Variants in MME observed in about 807,000 individuals in gnomAD.
The protein encoded by MME is neprilysin.
In MME, 98 loss-of-function variants were observed where a neutral mutation model predicts 113.2. The observed-to-expected ratio is 0.87, with a 90% CI of 0.74 to 1.02. The LOEUF (loss-of-function observed/expected upper bound fraction) is 1.02. MME is among the 50% of genes least tolerant of loss of function. The probability of loss-of-function intolerance (pLI) is 0.00; values close to 1 mark genes in which losing one functional copy is unlikely to be tolerated. For missense variants in MME, 836 were observed against 896.0 expected (o/e 0.93, Z 0.86); for synonymous variants, 292 against 300.6 (o/e 0.97, Z 0.30).
chr3:155,088,195 C>T (rs1047002152), intron 3 of MME, among the ~76,000 whole-genome samples: 1 of 147,328 alleles, frequency 6.8e-6, no homozygotes, highest in Non-Finnish European at 1.5e-5. Flanking sequence ...TACTCATAAA[C>T]ACACACACTC....
At chr3:155,100,638 A>G (rs753986541) in intron 3 of MME, among the ~76,000 whole-genome samples, 100 of 152,248 alleles carry the variant, frequency 6.6e-4, no homozygotes, top group Non-Finnish European at 1.2e-3. Flanking sequence ...ATCTGACAAT[A>G]TGTTGAGAAG....
intron 8 of MME, among the ~76,000 whole-genome samples, chr3:155,129,956 A>G (rs1720008114): frequency 6.6e-6 from 1 of 151,760 alleles, no homozygotes; most frequent in East Asian, 1.9e-4. Flanking sequence ...AATTTTCTTA[A>G]GAAATCACCC....
intron 8 of MME, among the ~76,000 whole-genome samples, chr3:155,131,732 T>A (rs1272916864): frequency 6.6e-6 from 1 of 152,160 alleles, no homozygotes; most frequent in Non-Finnish European, 1.5e-5. Flanking sequence ...TGCTCTAGCG[T>A]CCTGCTCCAC....
intron 1 of MME, among the ~76,000 whole-genome samples, chr3:155,058,046 G>T (rs1714001747): frequency 6.6e-6 from 1 of 151,938 alleles, no homozygotes; most frequent in African/African-American, 2.4e-5. Context: ...TTCTCTAAAA[G>T]CTACTATATA....
At chr3:155,091,238 T>C (rs1487072390) in intron 3 of MME, among the ~76,000 whole-genome samples, 3 of 152,320 alleles carry the variant, frequency 2.0e-5, no homozygotes, top group Non-Finnish European at 4.4e-5. Context: ...TGTAGGGATA[T>C]TACCTTACAT....
chr3:155,064,810 A>G (rs548572164), intron 1 of MME, among the ~76,000 whole-genome samples: 1 of 152,232 alleles, frequency 6.6e-6, no homozygotes, highest in Non-Finnish European at 1.5e-5. Flanking sequence ...ATGTGCTGGC[A>G]GAGCTGTGCT....
At chr3:155,144,260 T>C (rs1721337056) in intron 13 of MME, 99 bp from the exon 14 acceptor site, 4 of 812,314 alleles carry the variant, frequency 4.9e-6, no homozygotes, top group Non-Finnish European at 8.7e-6. Context: ...TTTATTAACA[T>C]ATTAAGTCAT....
At position 155,166,988 on chromosome 3, in the gene MME, G is replaced by C; in HGVS notation, c.1747G>C (p.Gly583Arg). Residue 583 changes from glycine (G) to arginine (R), a missense_variant, in exon 18 of 23, where the codon GGA (glycine) becomes CGA (arginine). Transcript: ENST00000360490. ...LNYGGIGMVI[G>R]HEITHGFDDN... ...CTATGGGGGCATCGGCATGGTCATA[G>C]GACACGAAATCACCCATGGCTTCGA... The C allele has an allele frequency of 6.2e-7, 1 of 1,613,740 alleles. No homozygotes were observed. Among genetic ancestry groups the C allele is most frequent in the Non-Finnish European group, 8.5e-7 (1 of 1,179,766 alleles).
chr3:155,117,017 C>T lies in MME; in HGVS notation c.654+31C>T, dbSNP rs61758169. 6 of 1,192,138 alleles carry T rather than the reference C, an allele frequency of 5.0e-6. No homozygotes were observed. The Admixed American group carries it at 8.4e-5, about 17-fold the overall frequency. The allele number at this position is 1,192,138 out of a possible 1,614,324, so 73.8% of individuals were successfully genotyped here. On this transcript the variant is annotated intron_variant, in intron 7 of 22. Coordinates refer to ENST00000360490, the MANE Select transcript of MME (RefSeq NM_007289.4). Reference sequence around the variant, plus strand: ...TTTGTGTGTCAAATAACTAAAGTTACCTTTAAATTGTAATAAAACTTCCAC... The same window carrying T: ...TTTGTGTGTCAAATAACTAAAGTTATCTTTAAATTGTAATAAAACTTCCAC...
intron 1 of MME, among the ~76,000 whole-genome samples, chr3:155,043,758 C>A: frequency 6.6e-6 from 1 of 151,942 alleles, no homozygotes; most frequent in East Asian, 1.9e-4. Context: ...GTACCAAATT[C>A]TTTTAATATT....
chr3:155,042,919 T>TATAC (rs1559890072), intron 1 of MME, among the ~76,000 whole-genome samples: 2 of 57,252 alleles, frequency 3.5e-5, no homozygotes, highest in Admixed American at 4.6e-4. Flanking sequence ...TATATATATA[T>TATAC]ATATATATAT....
intron 1 of MME, among the ~76,000 whole-genome samples, chr3:155,026,327 A>G (rs2108110246): frequency 6.6e-6 from 1 of 152,310 alleles, no homozygotes; most frequent in South Asian, 2.1e-4. Context: ...CCAAGGTGCT[A>G]GGGTTTAAAT....
intron 3 of MME, among the ~76,000 whole-genome samples, chr3:155,114,250 C>T (rs1324341317): frequency 1.3e-5 from 2 of 152,162 alleles, no homozygotes; most frequent in Non-Finnish European, 2.9e-5. Context: ...ATATTCTCCT[C>T]TTCGTTGGTA....
intron 1 of MME, among the ~76,000 whole-genome samples, chr3:155,031,555 CTT>C (rs1712972385): frequency 6.6e-6 from 1 of 152,166 alleles, no homozygotes; most frequent in Admixed American, 6.5e-5. Context: ...AAAGAAATGA[CTT>C]TATCAGAATG....
intron 1 of MME, among the ~76,000 whole-genome samples, chr3:155,072,336 GT>G (rs1054216108): frequency 6.6e-6 from 1 of 152,188 alleles, no homozygotes; most frequent in African/African-American, 2.4e-5. Context: ...GCCAAAAAGA[GT>G]AAACACTTTT....
intron 8 of MME, among the ~76,000 whole-genome samples, chr3:155,119,051 T>C (rs1020742394): frequency 7.2e-5 from 11 of 152,254 alleles, no homozygotes; most frequent in Admixed American, 6.5e-4. Context: ...TCTTGGTTTT[T>C]AGTATTTAAA....
At chr3:155,160,354 A>G (rs1378442397) in intron 16 of MME, 36 bp from the exon 17 acceptor site, 3 of 1,351,780 alleles carry the variant, frequency 2.2e-6, no homozygotes, top group East Asian at 2.3e-5. Context: ...CAGATAATGC[A>G]GTATCATTTG....
At chr3:155,035,220 G>A (rs1324127166) in intron 1 of MME, among the ~76,000 whole-genome samples, 4 of 149,178 alleles carry the variant, frequency 2.7e-5, no homozygotes, top group African/African-American at 9.9e-5. Context: ...TATTTATTTA[G>A]TACTTATTTA....
intron 5 of MME, 31 bp downstream of exon 5, chr3:155,116,590 GTATATA>G: frequency 1.6e-6 from 2 of 1,239,194 alleles, no homozygotes; most frequent in Non-Finnish European, 2.3e-6. Context: ...TTCATTAGGA[GTATATA>G]TATATATATA....
Sources: gnomAD v4.1 joint callset for allele counts (sites outside exome capture counted in the v4.1 genomes callset) on GRCh38, gnomAD v4.1.1 for gene constraint, MANE v1.5 for transcripts, NCBI Gene and HGNC (gene_info 2026-07-23, HGNC 2026-07-21) for gene names.